TAX1BP1: variants seen among roughly 807,000 people sequenced by gnomAD.
TAX1BP1 encodes the protein tax1-binding protein 1.
TAX1BP1 carries 62 observed loss-of-function variants against 97.7 expected under a neutral mutation model. The ratio of observed to expected loss-of-function variants is 0.63; its 90% CI spans 0.52 to 0.78. The LOEUF is 0.78. TAX1BP1 is among the 30% of genes least tolerant of loss of function. The pLI, the probability that TAX1BP1 is intolerant of heterozygous loss-of-function variation, is 0.00. For synonymous variants in TAX1BP1, 340 were observed against 304.2 expected (o/e 1.12, Z -1.23); for missense variants, 867 against 916.1 (o/e 0.95, Z 0.69).
rs553710877 is a variant in TAX1BP1 at position 27,784,899 on chromosome 7, C to T, written c.613-264C>T. Among the ~76,000 whole-genome samples, 37 of 152,100 alleles carry T rather than the reference C, an allele frequency of 2.4e-4. 1 individual carries two copies. In the South Asian group the frequency reaches 6.8e-3, roughly 28 times the overall value. On this transcript the variant is annotated intron_variant, in intron 5 of 16. Transcript: ENST00000396319. ...CTGGGAGGCTGAGGTGGGAGGATCA[C>T]CTGAGCTGTGATTGTGCCACCATAC...
At chr7:27,745,527 A>T (rs1387572341) in intron 1 of TAX1BP1, among the ~76,000 whole-genome samples, 1 of 152,240 alleles carries the variant, frequency 6.6e-6, no homozygotes, top group Non-Finnish European at 1.5e-5. Context: ...GTAAAAAATG[A>T]CAAGGTACTG....
intron 3 of TAX1BP1, among the ~76,000 whole-genome samples, chr7:27,761,418 C>T (rs1483041374): frequency 6.6e-6 from 1 of 152,098 alleles, no homozygotes; most frequent in Non-Finnish European, 1.5e-5. Context: ...AAGACATATA[C>T]CTACTGTTGC....
intron 5 of TAX1BP1, among the ~76,000 whole-genome samples, chr7:27,781,401 C>T (rs761584162): frequency 2.0e-5 from 3 of 152,144 alleles, no homozygotes; most frequent in Non-Finnish European, 4.4e-5. Flanking sequence ...ACCTGTTGCT[C>T]CTAGGCTACA....
At chr7:27,799,877 A>G in intron 12 of TAX1BP1, 88 bp from the exon 13 acceptor site, 1 of 1,011,724 alleles carries the variant, frequency 9.9e-7, no homozygotes, top group Non-Finnish European at 1.4e-6. Flanking sequence ...GTTATAATAA[A>G]TGTTCAGCCC....
Position 27,816,921 on chromosome 7 carries a change from A to G in TAX1BP1, c.1968A>G (p.Glu656=), listed in dbSNP as rs768436349. The change falls in exon 15 of 17, where the codon GAA becomes GAG. Residue 656 remains glutamate, a synonymous_variant. Coordinates refer to ENST00000396319, the MANE Select transcript of TAX1BP1 (RefSeq NM_006024.7). ...CAGATGGTGCTTTTTACCCAGATGA[A>G]ATACAAAGGCCACCTGTCAGAGTCC... ...DGADGAFYPD[E]IQRPPVRVPS... The G allele has an allele frequency of 1.9e-6, 3 of 1,614,064 alleles. No individual in the cohort carries two copies. Among genetic ancestry groups the G allele is most frequent in the Non-Finnish European group, 2.5e-6 (3 of 1,179,994 alleles).
At chr7:27,754,055 G>A (rs1449293664) in intron 2 of TAX1BP1, among the ~76,000 whole-genome samples, 1 of 152,090 alleles carries the variant, frequency 6.6e-6, no homozygotes, top group Non-Finnish European at 1.5e-5. Flanking sequence ...AAGTGGTCAT[G>A]TGACATGTTC....
intron 15 of TAX1BP1, among the ~76,000 whole-genome samples, chr7:27,819,887 G>A (rs539889519): frequency 6.6e-6 from 1 of 152,178 alleles, no homozygotes; most frequent in East Asian, 1.9e-4. Flanking sequence ...ATTTACTGTG[G>A]TGCCCTAGGT....
At chr7:27,815,379 A>G (rs953401278) in intron 13 of TAX1BP1, among the ~76,000 whole-genome samples, 2 of 152,210 alleles carry the variant, frequency 1.3e-5, no homozygotes, top group Non-Finnish European at 2.9e-5. Flanking sequence ...TTCTGCATCA[A>G]TTGAAATGAT....
At chr7:27,791,125 G>A (rs1789689856) in intron 8 of TAX1BP1, among the ~76,000 whole-genome samples, 1 of 151,818 alleles carries the variant, frequency 6.6e-6, no homozygotes, top group East Asian at 1.9e-4. Context: ...AGAAGTTGGC[G>A]ATCTTTTTAT....
intron 1 of TAX1BP1, among the ~76,000 whole-genome samples, chr7:27,747,300 C>G (rs538299147): frequency 1.0e-3 from 157 of 152,242 alleles, no homozygotes; most frequent in African/African-American, 3.6e-3. Context: ...AAGTAGAGCA[C>G]AAAATAGGGA....
chr7:27,796,863 AT>A (rs1360588663), intron 12 of TAX1BP1, among the ~76,000 whole-genome samples: 7 of 152,210 alleles, frequency 4.6e-5, no homozygotes, highest in Admixed American at 6.5e-5. Context: ...CTAAAAAAAA[AT>A]AATAAATAAA....
At chr7:27,781,932 T>C (rs974210301) in intron 5 of TAX1BP1, among the ~76,000 whole-genome samples, 2 of 151,784 alleles carry the variant, frequency 1.3e-5, no homozygotes, top group Non-Finnish European at 2.9e-5. Context: ...TTGGCCAGGC[T>C]CTCGTACACC....
chr7:27,827,865 G>A, intron 16 of TAX1BP1, 45 bp downstream of exon 16: 1 of 1,566,630 alleles, frequency 6.4e-7, no homozygotes, highest in Non-Finnish European at 8.8e-7. Flanking sequence ...ATATCGGCCA[G>A]TGGTTCTCAA....
At chr7:27,820,512 G>A (rs1342349281) in intron 15 of TAX1BP1, among the ~76,000 whole-genome samples, 1 of 151,950 alleles carries the variant, frequency 6.6e-6, no homozygotes, top group Non-Finnish European at 1.5e-5. Flanking sequence ...ATTATCTTAC[G>A]TTTTAAATTT....
In TAX1BP1 at chr7:27,769,399, T is replaced by G. The variant is rs2128312388; in HGVS notation, c.454-277T>G. Among the ~76,000 whole-genome samples, 6 of 152,118 alleles carry G rather than the reference T, an allele frequency of 3.9e-5. No homozygotes were observed. In the South Asian group the frequency reaches 1.2e-3, roughly 32 times the overall value. ...CATTAATATGCCTTATTTTTAGTTC[T>G]GATCTCAAAAATGATTAGCAGCCAA... On this transcript the variant is annotated intron_variant, in intron 4 of 16. Coordinates refer to ENST00000396319, the MANE Select transcript of TAX1BP1 (RefSeq NM_006024.7).
At chr7:27,815,977 T>C (rs1790752116) in intron 13 of TAX1BP1, among the ~76,000 whole-genome samples, 2 of 152,198 alleles carry the variant, frequency 1.3e-5, no homozygotes, top group African/African-American at 2.4e-5. Context: ...GAGGTTGCAG[T>C]GAGCCAAGAT....
chr7:27,816,963 A>G lies in TAX1BP1; in HGVS notation c.2010A>G (p.Glu670=), dbSNP rs1272883704. 4 of 1,613,990 alleles carry G rather than the reference A, an allele frequency of 2.5e-6. No individual in the cohort carries two copies. In the African/African-American group the frequency reaches 5.3e-5, roughly 22 times the overall value. The part of the protein sequence containing the change: ...PPVRVPSWGL[E]DNVVCSQPAR... The stretch of plus-strand genomic sequence containing the variant: ...TCAGAGTCCCCTCTTGGGGACTGGA[A>G]GACAATGTTGTCTGCAGCCAGCCTG... Residue 670 remains glutamate, a synonymous_variant, in exon 15 of 17, where the codon GAA becomes GAG. Coordinates refer to ENST00000396319, the MANE Select transcript of TAX1BP1 (RefSeq NM_006024.7).
chr7:27,769,840 TTG>T lies in TAX1BP1; in HGVS notation c.612+10_612+11del, dbSNP rs773038491. ...AACTGCAAGCAGAACAAAAGGTTAG[TTG>T]TGTCTTATGTAACTGATTGAAGTTG... On this transcript the variant is annotated splice_region_variant and intron_variant, in intron 5 of 16. Coordinates refer to ENST00000396319, the MANE Select transcript of TAX1BP1 (RefSeq NM_006024.7). The T allele has an allele frequency of 6.2e-7, 1 of 1,611,360 alleles. No homozygotes were observed. Among genetic ancestry groups the T allele is most frequent in the African/African-American group, 1.3e-5 (1 of 74,966 alleles).
chr7:27,771,040 T>G (rs947015369), intron 5 of TAX1BP1, among the ~76,000 whole-genome samples: 2 of 147,278 alleles, frequency 1.4e-5, no homozygotes, highest in Non-Finnish European at 1.5e-5. Flanking sequence ...TACCAAGTAT[T>G]AAAATATAGT....
Sources: allele counts gnomAD v4.1 joint callset (sites outside exome capture counted in the v4.1 genomes callset), GRCh38; gene constraint gnomAD v4.1.1; transcripts MANE v1.5; gene names NCBI Gene and HGNC (gene_info 2026-07-23, HGNC 2026-07-21).